SH3GL2: variants seen among roughly 807,000 people sequenced by gnomAD.
The protein encoded by SH3GL2 is endophilin-A1.
SH3GL2 carries 24 observed loss-of-function variants against 46.0 expected under a neutral mutation model. That is an observed-to-expected ratio of 0.52 (90% CI 0.38 to 0.73). The LOEUF is 0.73. Ranked by LOEUF, SH3GL2 falls within the 30% of genes least tolerant of loss-of-function variation. The pLI is 0.00. For missense variants in SH3GL2, 413 were observed against 424.2 expected (o/e 0.97, Z 0.23); for synonymous variants, 196 against 147.1 (o/e 1.33, Z -2.40).
chr9:17,793,526 C>T (rs1277870082), intron 8 of SH3GL2, 29 bp downstream of exon 8: 5 of 1,609,208 alleles, frequency 3.1e-6, no homozygotes, highest in Admixed American at 3.4e-5. Flanking sequence ...GATCCTATTG[C>T]ATAGCCCTTG....
chr9:17,783,271 G>C (rs1054654338), intron 3 of SH3GL2, among the ~76,000 whole-genome samples: 1 of 151,856 alleles, frequency 6.6e-6, no homozygotes, highest in Admixed American at 6.6e-5. Context: ...GGACTCTGCT[G>C]TTTTCCATGG....
chr9:17,613,516 T>C (rs988277549), intron 1 of SH3GL2, among the ~76,000 whole-genome samples: 4 of 152,196 alleles, frequency 2.6e-5, no homozygotes, highest in Non-Finnish European at 4.4e-5. Context: ...TGTTTGGTAA[T>C]TCTAAGCACC....
At chr9:17,666,647 C>T (rs1390160923) in intron 1 of SH3GL2, among the ~76,000 whole-genome samples, 2 of 151,364 alleles carry the variant, frequency 1.3e-5, no homozygotes, top group African/African-American at 4.9e-5. Context: ...ACAGCTTATT[C>T]AGCCAGTTTT....
chr9:17,687,183 A>G (rs1820938667), intron 1 of SH3GL2, among the ~76,000 whole-genome samples: 1 of 152,122 alleles, frequency 6.6e-6, no homozygotes, highest in Non-Finnish European at 1.5e-5. Flanking sequence ...TTTTCTTATA[A>G]TCATTTCATC....
chr9:17,700,680 A>G (rs1320591881), intron 1 of SH3GL2, among the ~76,000 whole-genome samples: 2 of 152,126 alleles, frequency 1.3e-5, no homozygotes, highest in Non-Finnish European at 2.9e-5. Flanking sequence ...ATTGATTTCT[A>G]ACGTCTCCTA....
chr9:17,731,277 C>G (rs913527597), intron 1 of SH3GL2, among the ~76,000 whole-genome samples: 1 of 151,942 alleles, frequency 6.6e-6, no homozygotes, highest in South Asian at 2.1e-4. Flanking sequence ...AAGCCCTAAC[C>G]CCTAATGTGA....
chr9:17,643,645 G>A (rs551322783), intron 1 of SH3GL2, among the ~76,000 whole-genome samples: 1 of 152,302 alleles, frequency 6.6e-6, no homozygotes, highest in African/African-American at 2.4e-5. Flanking sequence ...TTATTGATTT[G>A]TATATGTTGA....
intron 1 of SH3GL2, among the ~76,000 whole-genome samples, chr9:17,720,473 T>TA (rs988117930): frequency 9.2e-5 from 14 of 152,134 alleles, no homozygotes; most frequent in African/African-American, 3.4e-4. Flanking sequence ...AGAAATGAGG[T>TA]ACCGAGACAG....
chr9:17,586,590 A>T (rs1466360915), intron 1 of SH3GL2, among the ~76,000 whole-genome samples: 4 of 152,154 alleles, frequency 2.6e-5, no homozygotes, highest in African/African-American at 7.2e-5. Context: ...ATGGCTAGGG[A>T]GGGCTCAGGA....
chr9:17,650,600 G>A (rs1037281642), intron 1 of SH3GL2, among the ~76,000 whole-genome samples: 3 of 151,990 alleles, frequency 2.0e-5, no homozygotes, highest in East Asian at 1.9e-4. Context: ...CTCCTGATCC[G>A]CCCGCTTCAG....
chr9:17,667,077 T>G (rs115685984), intron 1 of SH3GL2, among the ~76,000 whole-genome samples: 1 of 152,158 alleles, frequency 6.6e-6, no homozygotes, highest in Non-Finnish European at 1.5e-5. Context: ...GTCTTTTGGC[T>G]GTTTTTTACA....
intron 3 of SH3GL2, among the ~76,000 whole-genome samples, chr9:17,782,039 C>T (rs1455325679): frequency 1.3e-5 from 2 of 152,174 alleles, no homozygotes; most frequent in Non-Finnish European, 2.9e-5. Flanking sequence ...AGCACTTGCA[C>T]ATTATAGGTG....
rs371733137 is a variant in SH3GL2, at chr9:17,738,661, G to GAGAGAGAGAGAGAGAGAGAGAC, written c.46-8392_46-8391insGAGAGAGACAGAGAGAGAGAGA. ...ATATATAGAGAGAGAGAGAGAGAGA[G>GAGAGAGAGAGAGAGAGAGAGAC]AGAGAGAGAGAGATAATTTTATTTC... On this transcript the variant is annotated intron_variant, in intron 1 of 8. Coordinates refer to ENST00000380607, the MANE Select transcript of SH3GL2 (RefSeq NM_003026.5). Among the ~76,000 whole-genome samples the GAGAGAGAGAGAGAGAGAGAGAC allele has an allele frequency of 2.9e-4, 38 of 132,170 alleles. 2 individuals carry two copies. The highest frequency in any genetic ancestry group is 8.4e-4 in the African/African-American group (31 of 37,102). 86.7% of individuals were successfully genotyped at this position (132,170 alleles called of 152,430 possible). A position where few individuals can be genotyped will look rare whatever the true frequency, so the allele number is the denominator to read the frequency against.
chr9:17,643,683 C>T (rs10963185), intron 1 of SH3GL2, among the ~76,000 whole-genome samples: 49,102 of 152,014 alleles, frequency 0.32, 8,051 homozygotes, highest in South Asian at 0.44. Context: ...CGGGTGAAGC[C>T]GACTTGATCG....
intron 1 of SH3GL2, among the ~76,000 whole-genome samples, chr9:17,733,500 GA>G (rs1388274353): frequency 2.6e-5 from 4 of 151,328 alleles, no homozygotes; most frequent in African/African-American, 9.7e-5. Context: ...GGAGAAATAG[GA>G]ACACTTTTAC....
At chr9:17,600,886 ATTTAGAG>A (rs980050068) in intron 1 of SH3GL2, among the ~76,000 whole-genome samples, 6 of 152,190 alleles carry the variant, frequency 3.9e-5, no homozygotes, top group African/African-American at 1.2e-4. Flanking sequence ...TACCATGTGA[ATTTAGAG>A]TTTAGAGTTT....
Position 17,579,120 on chromosome 9 carries a change from C to G in SH3GL2, c.-123C>G. ...TCCCGCTAGGCTCCGCGCCCTCGCG[C>G]CCATAGCCCCGGCGGCGGCACGACC... On this transcript the variant is annotated 5_prime_UTR_variant, in exon 1 of 9. Coordinates refer to ENST00000380607, the MANE Select transcript of SH3GL2 (RefSeq NM_003026.5). The G allele has an allele frequency of 1.7e-6, 1 of 579,406 alleles. No individual in the cohort carries two copies. Among genetic ancestry groups the G allele is most frequent in the Admixed American group, 4.4e-5 (1 of 22,812 alleles). The allele number at this position is 579,406 out of a possible 1,614,324, so 35.9% of individuals were successfully genotyped here.
chr9:17,635,639 T>G lies in SH3GL2; in HGVS notation c.45+56352T>G, dbSNP rs190341946. Among the ~76,000 whole-genome samples, 148 of 152,290 alleles carry G rather than the reference T, an allele frequency of 9.7e-4. 1 individual carries two copies. Among genetic ancestry groups the G allele is most frequent in the African/African-American group, 3.4e-3 (141 of 41,558 alleles). ...GTTCTTGACCTCACAGAGCATTTAT[T>G]TAAGCTGAAAGTCATGTGCCTGCTG... On this transcript the variant is annotated intron_variant, in intron 1 of 8. Transcript: ENST00000380607.
At chr9:17,674,593 T>G (rs1213507991) in intron 1 of SH3GL2, among the ~76,000 whole-genome samples, 1 of 152,178 alleles carries the variant, frequency 6.6e-6, no homozygotes, top group East Asian at 1.9e-4. Flanking sequence ...ATGATTTTGT[T>G]GGAAAATCAT....
Sources: gnomAD v4.1 joint callset for allele counts (sites outside exome capture counted in the v4.1 genomes callset) on GRCh38, gnomAD v4.1.1 for gene constraint, MANE v1.5 for transcripts, NCBI Gene and HGNC (gene_info 2026-07-23, HGNC 2026-07-21) for gene names.